The following DNAJC12 variants were observed in gnomAD, a reference collection of about 807,000 sequenced individuals.
DNAJC12 encodes the protein dnaJ homolog subfamily C member 12.
DNAJC12 carries 25 observed loss-of-function variants against 28.5 expected under a neutral mutation model. That is an observed-to-expected ratio of 0.88 (90% CI 0.64 to 1.22). DNAJC12 has a LOEUF of 1.22. Among genes scored for constraint, DNAJC12 ranks in the 50% most tolerant of loss-of-function variants. The probability of loss-of-function intolerance (pLI) is 0.00; values close to 1 mark genes in which losing one functional copy is unlikely to be tolerated. For missense variants in DNAJC12, 222 were observed against 231.7 expected (o/e 0.96, Z 0.27); for synonymous variants, 77 against 80.6 (o/e 0.95, Z 0.24).
rs558658846 is a variant in DNAJC12, at chr10:67,812,831, G to A, written c.158-1168C>T. ...TGTGCCACTGGACTCCAGCCTGGGCGACAGAGCGAGACTCCATCTCAAAAA... is the reference window on the plus strand; with the variant it reads ...TGTGCCACTGGACTCCAGCCTGGGCAACAGAGCGAGACTCCATCTCAAAAA... On this transcript the variant is annotated intron_variant, in intron 2 of 4. Coordinates refer to ENST00000225171, the MANE Select transcript of DNAJC12 (RefSeq NM_021800.3). Among the ~76,000 whole-genome samples the A allele has an allele frequency of 7.3e-5, 11 of 149,838 alleles. No homozygotes were observed. In the East Asian group the frequency reaches 8.0e-4, roughly 11 times the overall value.
intron 1 of DNAJC12, among the ~76,000 whole-genome samples, chr10:67,836,052 C>T (rs1842139843): frequency 6.6e-6 from 1 of 152,084 alleles, no homozygotes; most frequent in South Asian, 2.1e-4. Flanking sequence ...TTTGCAGGGA[C>T]ATGGATGAAG....
chr10:67,798,567 A>G (rs937875742), intron 4 of DNAJC12, among the ~76,000 whole-genome samples: 2 of 152,056 alleles, frequency 1.3e-5, no homozygotes, highest in African/African-American at 4.8e-5. Context: ...CCGTGGTCCC[A>G]GCTACTCAGG....
rs1841859382 is a variant in DNAJC12 at position 67,811,566 on chromosome 10, C to T, written c.255G>A (p.Met85Ile). 1 of 1,614,104 alleles carries T rather than the reference C, an allele frequency of 6.2e-7. No individual in the cohort carries two copies. Among genetic ancestry groups the T allele is most frequent in the Admixed American group, 1.7e-5 (1 of 60,014 alleles). ...TCAAAGCTTCCCACTGCTGGAATGGCATCGACATCTGGCTCCTTCGCCAGT... is the reference window on the plus strand; with the variant it reads ...TCAAAGCTTCCCACTGCTGGAATGGTATCGACATCTGGCTCCTTCGCCAGT... ...YDHWRRSQMS[M>I]PFQQWEALND... Residue 85 changes from methionine (M) to isoleucine (I), a missense_variant, in exon 3 of 5, where the codon ATG (methionine) becomes ATA (isoleucine). Coordinates refer to ENST00000225171, the MANE Select transcript of DNAJC12 (RefSeq NM_021800.3).
At chr10:67,835,717 GACACAC>G (rs34238470) in intron 1 of DNAJC12, among the ~76,000 whole-genome samples, 31 of 119,072 alleles carry the variant, frequency 2.6e-4, no homozygotes, top group African/African-American at 7.2e-4. Context: ...GAGAAAAAAT[GACACAC>G]ACACACACAC....
At chr10:67,824,853 C>T (rs1842013972) in intron 1 of DNAJC12, among the ~76,000 whole-genome samples, 1 of 152,118 alleles carries the variant, frequency 6.6e-6, no homozygotes, top group Non-Finnish European at 1.5e-5. Flanking sequence ...CCTGCCTCAG[C>T]CTCCCAAGTA....
At chr10:67,827,184 C>T (rs532115197) in intron 1 of DNAJC12, among the ~76,000 whole-genome samples, 42 of 146,318 alleles carry the variant, frequency 2.9e-4, no homozygotes, top group Non-Finnish European at 5.1e-4. Context: ...GTCAGGAGTT[C>T]GAGACCAGCC....
At chr10:67,811,380 C>A in intron 3 of DNAJC12, 144 bp downstream of exon 3, 1 of 1,497,642 alleles carries the variant, frequency 6.7e-7, no homozygotes. Flanking sequence ...ATGGGATTTA[C>A]GGACACTGAA....
At chr10:67,819,894 A>G (rs925695794) in intron 2 of DNAJC12, among the ~76,000 whole-genome samples, 3 of 152,148 alleles carry the variant, frequency 2.0e-5, no homozygotes, top group Non-Finnish European at 4.4e-5. Flanking sequence ...CTAGGGGCAT[A>G]CGACTGTGAA....
intron 1 of DNAJC12, among the ~76,000 whole-genome samples, chr10:67,836,971 A>G (rs947453792): frequency 3.3e-5 from 5 of 150,196 alleles, no homozygotes; most frequent in African/African-American, 1.2e-4. Flanking sequence ...ATAATTTAAT[A>G]ATGAATATAT....
At chr10:67,818,427 A>C (rs1841937265) in intron 2 of DNAJC12, among the ~76,000 whole-genome samples, 1 of 152,166 alleles carries the variant, frequency 6.6e-6, no homozygotes, top group African/African-American at 2.4e-5. Flanking sequence ...CAATATTTAC[A>C]CAGTCCACTG....
chr10:67,819,076 G>C (rs1841944617), intron 2 of DNAJC12, among the ~76,000 whole-genome samples: 1 of 151,896 alleles, frequency 6.6e-6, no homozygotes, highest in Non-Finnish European at 1.5e-5. Flanking sequence ...GCTCACGCCT[G>C]TAATCCCAGG....
At chr10:67,801,003 T>C (rs2146055) in intron 4 of DNAJC12, among the ~76,000 whole-genome samples, 149,654 of 152,288 alleles carry the variant, frequency 0.98, 73,588 homozygotes, top group East Asian at 1. Context: ...CTATTTTATT[T>C]TAGAACTGTA....
intron 1 of DNAJC12, among the ~76,000 whole-genome samples, chr10:67,823,729 A>G (rs975179712): frequency 1.3e-5 from 2 of 151,836 alleles, no homozygotes; most frequent in African/African-American, 4.8e-5. Context: ...CTTAAATGGC[A>G]TGAAGGAAGA....
intron 1 of DNAJC12, among the ~76,000 whole-genome samples, chr10:67,836,774 T>C (rs1398868058): frequency 6.6e-6 from 1 of 152,240 alleles, no homozygotes; most frequent in Admixed American, 6.5e-5. Flanking sequence ...AGTAATGCAT[T>C]CTATTCTTAA....
chr10:67,809,584 T>A (rs530645201), intron 3 of DNAJC12, among the ~76,000 whole-genome samples: 5 of 152,142 alleles, frequency 3.3e-5, no homozygotes, highest in African/African-American at 1.2e-4. Context: ...AGGGAAAAAA[T>A]ACCAGTTCAG....
At chr10:67,837,090 A>G (rs1478465345) in intron 1 of DNAJC12, among the ~76,000 whole-genome samples, 2 of 151,922 alleles carry the variant, frequency 1.3e-5, no homozygotes, top group Admixed American at 1.3e-4. Context: ...AATATTTTGC[A>G]ACCACTAAAA....
intron 3 of DNAJC12, among the ~76,000 whole-genome samples, chr10:67,810,492 T>A (rs1248069407): frequency 6.6e-6 from 1 of 152,250 alleles, no homozygotes; most frequent in African/African-American, 2.4e-5. Context: ...TGATTTGTCC[T>A]GCCTTGTGGG....
At chr10:67,804,863 C>A (rs1041254313) in intron 4 of DNAJC12, among the ~76,000 whole-genome samples, 1 of 152,044 alleles carries the variant, frequency 6.6e-6, no homozygotes, top group Non-Finnish European at 1.5e-5. Flanking sequence ...GAAACCCCAT[C>A]TCTACTAAAA....
At chr10:67,822,487 TC>T (rs1158351559) in intron 2 of DNAJC12, among the ~76,000 whole-genome samples, 1 of 151,974 alleles carries the variant, frequency 6.6e-6, no homozygotes, top group African/African-American at 2.4e-5. Flanking sequence ...ACTGTGGACT[TC>T]CTTTTCGGGA....
Sources: allele counts gnomAD v4.1 joint callset (sites outside exome capture counted in the v4.1 genomes callset), GRCh38; gene constraint gnomAD v4.1.1; transcripts MANE v1.5; gene names NCBI Gene and HGNC (gene_info 2026-07-23, HGNC 2026-07-21).